Variants in PLPPR1 observed in about 807,000 individuals in gnomAD.
PLPPR1 encodes phospholipid phosphatase-related protein type 1.
A neutral mutation model predicts 33.1 loss-of-function variants in PLPPR1; 10 were observed. The observed-to-expected ratio is 0.30, with a 90% CI of 0.19 to 0.51. The LOEUF is 0.51. Ranked by LOEUF, PLPPR1 falls within the 20% of genes least tolerant of loss-of-function variation. The probability of loss-of-function intolerance (pLI) is 0.97; values close to 1 mark genes in which losing one functional copy is unlikely to be tolerated. For missense variants in PLPPR1, 304 were observed against 408.1 expected (o/e 0.74, Z 2.20); for synonymous variants, 151 against 151.0 (o/e 1.00, Z 0.00).
chr9:101,318,899 G>A (rs1177664486), intron 7 of PLPPR1, among the ~76,000 whole-genome samples: 1 of 152,110 alleles, frequency 6.6e-6, no homozygotes, highest in Non-Finnish European at 1.5e-5. Context: ...GCAGATGGGG[G>A]ACAACTAATA....
intron 1 of PLPPR1, among the ~76,000 whole-genome samples, chr9:101,050,124 GAAAAAA>G (rs35688096): frequency 2.8e-5 from 1 of 35,182 alleles, no homozygotes; most frequent in African/African-American, 8.1e-5. Flanking sequence ...CTCCAACTCA[GAAAAAA>G]AAAAAAAAAA....
intron 4 of PLPPR1, among the ~76,000 whole-genome samples, chr9:101,300,042 C>G (rs1160400227): frequency 5.9e-5 from 9 of 151,482 alleles, no homozygotes; most frequent in Non-Finnish European, 1.5e-5. Context: ...AGAAGTTATA[C>G]AATATCTTGC....
chr9:101,111,576 G>A (rs1352505031), intron 1 of PLPPR1, among the ~76,000 whole-genome samples: 1 of 151,966 alleles, frequency 6.6e-6, no homozygotes, highest in Admixed American at 6.5e-5. Flanking sequence ...AATGCAATTT[G>A]GTATGATTTG....
intron 1 of PLPPR1, among the ~76,000 whole-genome samples, chr9:101,108,014 C>T (rs543004976): frequency 8.8e-5 from 13 of 148,484 alleles, no homozygotes; most frequent in South Asian, 2.1e-4. Flanking sequence ...GGCTCGCGCA[C>T]GGTGCGCGCA....
At chr9:101,214,958 C>T (rs569908482) in intron 2 of PLPPR1, among the ~76,000 whole-genome samples, 18 of 148,756 alleles carry the variant, frequency 1.2e-4, no homozygotes, top group African/African-American at 4.0e-4. Context: ...GGGAGGCAGA[C>T]GTTGTAGTCA....
chr9:101,233,705 T>C (rs1827237622), intron 2 of PLPPR1, among the ~76,000 whole-genome samples: 1 of 151,898 alleles, frequency 6.6e-6, no homozygotes, highest in African/African-American at 2.4e-5. Context: ...CCCAGCTCCT[T>C]GATATTGGAC....
At chr9:101,120,464 C>T (rs930227565) in intron 1 of PLPPR1, among the ~76,000 whole-genome samples, 1 of 152,156 alleles carries the variant, frequency 6.6e-6, no homozygotes, top group Non-Finnish European at 1.5e-5. Context: ...CATAAATATC[C>T]TTATTGGCTA....
chr9:101,287,613 G>C (rs1481371145), intron 4 of PLPPR1, among the ~76,000 whole-genome samples: 1 of 152,156 alleles, frequency 6.6e-6, no homozygotes, highest in East Asian at 1.9e-4. Flanking sequence ...CGATTCTCCT[G>C]TCTCAGCCTC....
At chr9:101,152,831 G>T (rs190555689) in intron 1 of PLPPR1, among the ~76,000 whole-genome samples, 2 of 152,274 alleles carry the variant, frequency 1.3e-5, no homozygotes, top group South Asian at 2.1e-4. Context: ...GTCAGGTAGC[G>T]TGTTGCCTCC....
intron 2 of PLPPR1, among the ~76,000 whole-genome samples, chr9:101,250,841 A>G (rs370175447): frequency 1.2e-3 from 188 of 152,174 alleles, no homozygotes; most frequent in African/African-American, 3.7e-3. Context: ...GTGGCAAGAG[A>G]TAGCCATCCT....
Position 101,094,407 on chromosome 9 carries a change from C to T in PLPPR1, c.-46+65305C>T, listed in dbSNP as rs562658405. 3.3e-5 allele frequency among the ~76,000 whole-genome samples: 5 copies of T among 152,242 alleles called. No individual in the cohort carries two copies. In the South Asian group the frequency reaches 8.3e-4, roughly 25 times the overall value. On this transcript the variant is annotated intron_variant, in intron 1 of 7. Coordinates refer to ENST00000374874, the MANE Select transcript of PLPPR1 (RefSeq NM_207299.2). ...CTGTCTTGCTGAATACACAGGAATGCAGAATGCACTCAAACACGCCAGAGA... is the reference window on the plus strand; with the variant it reads ...CTGTCTTGCTGAATACACAGGAATGTAGAATGCACTCAAACACGCCAGAGA...
intron 1 of PLPPR1, among the ~76,000 whole-genome samples, chr9:101,099,106 G>A (rs573829615): frequency 2.6e-5 from 4 of 151,448 alleles, no homozygotes; most frequent in South Asian, 2.1e-4. Flanking sequence ...TGTGTGTGTC[G>A]GGGGGAGGCG....
intron 4 of PLPPR1, 150 bp from the exon 5 acceptor site, chr9:101,309,061 A>T: frequency 1.4e-6 from 1 of 728,246 alleles, no homozygotes; most frequent in South Asian, 1.7e-5. Flanking sequence ...TGATTTGGGA[A>T]GCAGGTACCA....
At chr9:101,156,569 A>G (rs199775833) in intron 1 of PLPPR1, among the ~76,000 whole-genome samples, 16,438 of 109,846 alleles carry the variant, frequency 0.15, 1,339 homozygotes, top group East Asian at 0.31. Context: ...AAAAAAAAAA[A>G]AAAAGAAAGA....
At chr9:101,093,055 C>A (rs1217585364) in intron 1 of PLPPR1, among the ~76,000 whole-genome samples, 2 of 152,264 alleles carry the variant, frequency 1.3e-5, no homozygotes, top group South Asian at 4.2e-4. Flanking sequence ...CTACTGCTAC[C>A]GAGCCTATGG....
intron 1 of PLPPR1, among the ~76,000 whole-genome samples, chr9:101,161,896 T>C (rs974942645): frequency 6.6e-6 from 1 of 152,116 alleles, no homozygotes; most frequent in Non-Finnish European, 1.5e-5. Context: ...AGACTAAATA[T>C]TTCAATATTT....
intron 2 of PLPPR1, among the ~76,000 whole-genome samples, chr9:101,239,400 T>C (rs75985651): frequency 0.047 from 7,074 of 151,928 alleles, 242 homozygotes; most frequent in South Asian, 0.17. Context: ...GTAGAAAGAC[T>C]GTTGGGTACT....
intron 4 of PLPPR1, among the ~76,000 whole-genome samples, chr9:101,289,533 A>G (rs1449480876): frequency 1.3e-5 from 2 of 152,192 alleles, no homozygotes; most frequent in Admixed American, 6.5e-5. Context: ...TAATTCCCAC[A>G]TGTTGTGAGA....
intron 2 of PLPPR1, among the ~76,000 whole-genome samples, chr9:101,259,122 A>G (rs1056855585): frequency 2.0e-5 from 3 of 152,142 alleles, no homozygotes; most frequent in Non-Finnish European, 4.4e-5. Flanking sequence ...TCATCCACCT[A>G]TAAACAACCA....
Sources: allele counts gnomAD v4.1 joint callset (sites outside exome capture counted in the v4.1 genomes callset), GRCh38; gene constraint gnomAD v4.1.1; transcripts MANE v1.5; gene names NCBI Gene and HGNC (gene_info 2026-07-23, HGNC 2026-07-21).